GABRB1: variants seen among roughly 807,000 people sequenced by gnomAD.
The protein encoded by GABRB1 is gamma-aminobutyric acid type A receptor subunit beta1, also known as gamma-aminobutyric acid receptor subunit beta-1.
A neutral mutation model predicts 51.6 loss-of-function variants in GABRB1; 17 were observed. That is an observed-to-expected ratio of 0.33 (90% CI 0.23 to 0.49). GABRB1 has a LOEUF of 0.49. GABRB1 is among the 20% of genes least tolerant of loss of function. GABRB1 has a pLI of 0.99. For missense variants in GABRB1, 410 were observed against 600.6 expected, an observed-to-expected ratio of 0.68 and a Z score of 3.32; for synonymous variants, 247 against 218.9, an observed-to-expected ratio of 1.13 and a Z score of -1.14.
rs531475726 is a variant in GABRB1, at chr4:47,360,214, T to C, written c.544+40005T>C. Among the ~76,000 whole-genome samples, 5 of 152,028 alleles carry C rather than the reference T, an allele frequency of 3.3e-5. No homozygotes were observed. In the South Asian group the frequency reaches 1.0e-3, roughly 32 times the overall value. Reference sequence around the variant, plus strand: ...TGTAGCTACGGAGACATCTGTGATATGGGATAAGGAAGATTTTTTTTTCCA... The same window carrying C: ...TGTAGCTACGGAGACATCTGTGATACGGGATAAGGAAGATTTTTTTTTCCA... On this transcript the variant is annotated intron_variant, in intron 5 of 8. Coordinates refer to ENST00000295454, the MANE Select transcript of GABRB1 (RefSeq NM_000812.4).
intron 3 of GABRB1, among the ~76,000 whole-genome samples, chr4:47,141,051 G>A (rs1404691066): frequency 6.6e-6 from 1 of 151,580 alleles, no homozygotes; most frequent in East Asian, 1.9e-4. Flanking sequence ...AACTAATACA[G>A]GATGGGTACC....
intron 5 of GABRB1, among the ~76,000 whole-genome samples, chr4:47,357,551 A>T (rs540554059): frequency 6.6e-6 from 1 of 152,266 alleles, no homozygotes; most frequent in South Asian, 2.1e-4. Flanking sequence ...AATCACTCAC[A>T]CTCATTGCAA....
chr4:47,243,029 T>G (rs1043492028), intron 4 of GABRB1, among the ~76,000 whole-genome samples: 3 of 152,234 alleles, frequency 2.0e-5, no homozygotes, highest in African/African-American at 7.2e-5. Flanking sequence ...GTCTGACATT[T>G]AAGTCTTTAA....
At chr4:47,129,135 G>A (rs1716298662) in intron 3 of GABRB1, among the ~76,000 whole-genome samples, 1 of 152,076 alleles carries the variant, frequency 6.6e-6, no homozygotes, top group Non-Finnish European at 1.5e-5. Flanking sequence ...CCACAACATA[G>A]CAACAACCCT....
At chr4:47,048,582 T>C (rs765300521) in intron 3 of GABRB1, among the ~76,000 whole-genome samples, 2 of 152,128 alleles carry the variant, frequency 1.3e-5, no homozygotes, top group African/African-American at 2.4e-5. Flanking sequence ...AGATAACCCA[T>C]AAGGCTAAGA....
intron 4 of GABRB1, among the ~76,000 whole-genome samples, chr4:47,230,734 T>C (rs1384782462): frequency 6.6e-6 from 1 of 152,162 alleles, no homozygotes; most frequent in Non-Finnish European, 1.5e-5. Flanking sequence ...AAACAGTGGC[T>C]CAAACACTTT....
At chr4:47,096,121 T>A (rs1419328838) in intron 3 of GABRB1, among the ~76,000 whole-genome samples, 1 of 152,178 alleles carries the variant, frequency 6.6e-6, no homozygotes, top group Non-Finnish European at 1.5e-5. Context: ...CTTTAATATA[T>A]CTCCAGTGAT....
chr4:47,378,536 G>A (rs1727478465), intron 5 of GABRB1, among the ~76,000 whole-genome samples: 1 of 152,338 alleles, frequency 6.6e-6, no homozygotes, highest in Admixed American at 6.5e-5. Flanking sequence ...CTCCTCAAGT[G>A]CTGCCAAAGT....
chr4:47,083,572 T>G, intron 3 of GABRB1, among the ~76,000 whole-genome samples: 1 of 152,122 alleles, frequency 6.6e-6, no homozygotes, highest in South Asian at 2.1e-4. Context: ...AGAGACTTGC[T>G]TAGGGAAACT....
chr4:47,121,631 C>T (rs1018789631), intron 3 of GABRB1, among the ~76,000 whole-genome samples: 15 of 151,986 alleles, frequency 9.9e-5, no homozygotes, highest in Admixed American at 2.0e-4. Context: ...CACAAAAATG[C>T]CACTAAATTG....
intron 5 of GABRB1, among the ~76,000 whole-genome samples, chr4:47,336,614 G>T (rs764013976): frequency 1.3e-5 from 2 of 151,996 alleles, no homozygotes; most frequent in Non-Finnish European, 1.5e-5. Flanking sequence ...AGGAGAGAAG[G>T]GTATGCTTGA....
chr4:47,270,551 C>G (rs1722833744), intron 4 of GABRB1, among the ~76,000 whole-genome samples: 1 of 152,172 alleles, frequency 6.6e-6, no homozygotes, highest in Non-Finnish European at 1.5e-5. Flanking sequence ...TTTGACTAAT[C>G]AAGTGCTAGA....
At chr4:47,263,330 T>A (rs1350098858) in intron 4 of GABRB1, among the ~76,000 whole-genome samples, 2 of 152,084 alleles carry the variant, frequency 1.3e-5, no homozygotes, top group East Asian at 3.9e-4. Context: ...TACCTTGAAC[T>A]CTTAAAATAA....
intron 4 of GABRB1, among the ~76,000 whole-genome samples, chr4:47,284,564 G>T (rs968292720): frequency 2.6e-5 from 4 of 152,116 alleles, no homozygotes; most frequent in Non-Finnish European, 5.9e-5. Flanking sequence ...TCTCAAGAGG[G>T]TTCACAACAT....
At chr4:46,998,468 C>T (rs981201492) in intron 1 of GABRB1, among the ~76,000 whole-genome samples, 2 of 152,054 alleles carry the variant, frequency 1.3e-5, no homozygotes, top group African/African-American at 2.4e-5. Flanking sequence ...CATGGTAGCT[C>T]ACGTGTGTAA....
chr4:47,325,814 A>G (rs1725238639), intron 5 of GABRB1, among the ~76,000 whole-genome samples: 1 of 152,102 alleles, frequency 6.6e-6, no homozygotes, highest in Non-Finnish European at 1.5e-5. Context: ...CTCTTTCAAA[A>G]TTCTTTTTTA....
chr4:47,374,234 A>G lies in GABRB1; in HGVS notation c.545-29084A>G, dbSNP rs1246457231. ...AAACCTGGTCTCTACAAATAATAAAAGAAAATTAGCTGGGCATGGTGGTGT... is the reference window on the plus strand; with the variant it reads ...AAACCTGGTCTCTACAAATAATAAAGGAAAATTAGCTGGGCATGGTGGTGT... On this transcript the variant is annotated intron_variant, in intron 5 of 8. Coordinates refer to ENST00000295454, the MANE Select transcript of GABRB1 (RefSeq NM_000812.4). 3.3e-5 allele frequency among the ~76,000 whole-genome samples: 5 copies of G among 152,210 alleles called. No homozygotes were observed. The South Asian group carries it at 8.3e-4, about 25-fold the overall frequency.
chr4:47,108,644 T>G (rs1159787197), intron 3 of GABRB1, among the ~76,000 whole-genome samples: 1 of 152,070 alleles, frequency 6.6e-6, no homozygotes, highest in Non-Finnish European at 1.5e-5. Context: ...TAGTTTATAA[T>G]TACATGTTAT....
chr4:47,348,917 T>C (rs933472525), intron 5 of GABRB1, among the ~76,000 whole-genome samples: 1 of 151,994 alleles, frequency 6.6e-6, no homozygotes, highest in Non-Finnish European at 1.5e-5. Context: ...AGGTAAAAGG[T>C]GAACTAGATG....
Sources: gnomAD v4.1 joint callset for allele counts (sites outside exome capture counted in the v4.1 genomes callset) on GRCh38, gnomAD v4.1.1 for gene constraint, MANE v1.5 for transcripts, NCBI Gene and HGNC (gene_info 2026-07-23, HGNC 2026-07-21) for gene names.